The following NR3C2 variants were observed in gnomAD, a reference collection of about 807,000 sequenced individuals.
The protein encoded by NR3C2 is nuclear receptor subfamily 3 group C member 2.
A neutral mutation model predicts 86.4 loss-of-function variants in NR3C2; 15 were observed. That is an observed-to-expected ratio of 0.17 (90% CI 0.12 to 0.27). The LOEUF (loss-of-function observed/expected upper bound fraction) is 0.27, where lower values mean the gene tolerates loss of function less well. Ranked by LOEUF, NR3C2 falls within the 10% of genes least tolerant of loss-of-function variation. The probability of loss-of-function intolerance (pLI) is 1.00; values close to 1 mark genes in which losing one functional copy is unlikely to be tolerated. For missense variants in NR3C2, 960 were observed against 1,195.6 expected, an observed-to-expected ratio of 0.80 and a Z score of 2.91; for synonymous variants, 458 against 450.5, an observed-to-expected ratio of 1.02 and a Z score of -0.21.
At chr4:148,106,858 C>G (rs916705732) in intron 8 of NR3C2, among the ~76,000 whole-genome samples, 1 of 152,102 alleles carries the variant, frequency 6.6e-6, no homozygotes, top group East Asian at 1.9e-4. Context: ...CAAAAATCAA[C>G]TCAAGATGGA....
chr4:148,081,931 A>G (rs1342563286), intron 8 of NR3C2, among the ~76,000 whole-genome samples: 1 of 152,170 alleles, frequency 6.6e-6, no homozygotes, highest in Admixed American at 6.5e-5. Context: ...AGCACCACAG[A>G]TGCCCAGGAG....
At chr4:148,223,066 A>G (rs1579033844) in intron 3 of NR3C2, among the ~76,000 whole-genome samples, 3 of 152,334 alleles carry the variant, frequency 2.0e-5, no homozygotes, top group Non-Finnish European at 4.4e-5. Flanking sequence ...TAATTCTTAG[A>G]AATAATATTT....
At chr4:148,444,724 C>A, upstream of NR3C2, 3 of 985,210 alleles carry the variant, frequency 3.0e-6, no homozygotes, top group Non-Finnish European at 3.6e-6. Context: ...CAAGAGGCGG[C>A]GAGGCAGCGG....
intron 8 of NR3C2, among the ~76,000 whole-genome samples, chr4:148,084,616 C>CA (rs1730727605): frequency 6.6e-6 from 1 of 152,112 alleles, no homozygotes; most frequent in African/African-American, 2.4e-5. Flanking sequence ...AACTAATGGG[C>CA]AAAACAACCA....
chr4:148,197,040 A>C (rs1484479865), intron 3 of NR3C2, among the ~76,000 whole-genome samples: 1 of 152,220 alleles, frequency 6.6e-6, no homozygotes, highest in Non-Finnish European at 1.5e-5. Context: ...AGAAACTCAT[A>C]CTAGAATTGA....
At chr4:148,094,571 C>T (rs559126238) in intron 8 of NR3C2, among the ~76,000 whole-genome samples, 8 of 151,938 alleles carry the variant, frequency 5.3e-5, no homozygotes, top group Non-Finnish European at 1.0e-4. Context: ...AAAAATTAGC[C>T]GGGTGTGGTG....
At chr4:148,276,972 C>T (rs562788692) in intron 2 of NR3C2, among the ~76,000 whole-genome samples, 9 of 152,300 alleles carry the variant, frequency 5.9e-5, no homozygotes, top group African/African-American at 2.2e-4. Context: ...CAAGCAAACT[C>T]TGAACACAAT....
chr4:148,114,391 T>A, intron 7 of NR3C2, 130 bp from the exon 8 acceptor site: 1 of 983,610 alleles, frequency 1.0e-6, no homozygotes, highest in East Asian at 2.6e-5. Flanking sequence ...TGAATAAATA[T>A]GGCAGCTGTC....
At chr4:148,178,377 T>G (rs1018515080) in intron 4 of NR3C2, among the ~76,000 whole-genome samples, 7 of 151,828 alleles carry the variant, frequency 4.6e-5, no homozygotes, top group Non-Finnish European at 1.0e-4. Context: ...GAAGCTAATA[T>G]TTCGCTTTGA....
chr4:148,435,689 T>G lies in NR3C2; in HGVS notation c.1172A>C (p.Gln391Pro). 1 of 1,614,206 alleles carries G rather than the reference T, an allele frequency of 6.2e-7. No homozygotes were observed. Among genetic ancestry groups the G allele is most frequent in the Non-Finnish European group, 8.5e-7 (1 of 1,180,038 alleles). The change falls in exon 2 of 9, where the codon CAG becomes CCG. Residue 391 changes from glutamine (Q) to proline (P), a missense_variant. This residue lies in a region of NR3C2 where 680 missense variants were observed against 719.0 expected (regional missense o/e 0.95). Coordinates refer to ENST00000358102, the MANE Select transcript of NR3C2 (RefSeq NM_000901.5). ...TTTTATGTACTGGACAATATTAAGC[T>G]GGCCAGTCACACCATTTGAGATGGC... is the stretch of plus-strand genomic sequence containing the variant. ...ESAISNGVTG[Q>P]LNIVQYIKPE...
At chr4:148,191,401 C>T (rs1249364042) in intron 4 of NR3C2, among the ~76,000 whole-genome samples, 1 of 152,170 alleles carries the variant, frequency 6.6e-6, no homozygotes, top group Non-Finnish European at 1.5e-5. Flanking sequence ...GCTTCTGTCT[C>T]ACAGCTCTTA....
intron 4 of NR3C2, among the ~76,000 whole-genome samples, chr4:148,159,499 A>G (rs192714950): frequency 5.9e-5 from 9 of 152,328 alleles, no homozygotes; most frequent in Admixed American, 1.3e-4. Flanking sequence ...CAGCATTCCA[A>G]TGCTCACCAT....
chr4:148,388,927 T>C (rs1179193827), intron 2 of NR3C2, among the ~76,000 whole-genome samples: 2 of 152,174 alleles, frequency 1.3e-5, no homozygotes, highest in Non-Finnish European at 2.9e-5. Flanking sequence ...AATGCTCTCA[T>C]ACACTTTGCC....
intron 3 of NR3C2, among the ~76,000 whole-genome samples, chr4:148,226,456 T>C (rs1456239543): frequency 6.6e-6 from 1 of 152,198 alleles, no homozygotes; most frequent in East Asian, 1.9e-4. Flanking sequence ...CATTGCTGAA[T>C]AGTATTCCAT....
intron 2 of NR3C2, among the ~76,000 whole-genome samples, chr4:148,286,190 T>C (rs748771632): frequency 1.3e-5 from 2 of 152,182 alleles, no homozygotes; most frequent in Non-Finnish European, 2.9e-5. Flanking sequence ...TACAGGAATA[T>C]AATTTTCTGG....
intron 3 of NR3C2, among the ~76,000 whole-genome samples, chr4:148,205,416 C>T (rs751537255): frequency 6.6e-6 from 1 of 152,142 alleles, no homozygotes; most frequent in African/African-American, 2.4e-5. Context: ...CTCTAACCAC[C>T]TAGTTTCCTT....
rs1217054282 is a variant in NR3C2 at position 148,358,638 on chromosome 4, A to C, written c.1757+76466T>G. Among the ~76,000 whole-genome samples the C allele has an allele frequency of 2.7e-5, 4 of 150,842 alleles. No homozygotes were observed. In the East Asian group the frequency reaches 8.0e-4, roughly 30 times the overall value. ...AAGTATAATAACAAATAAAAAATAA[A>C]AAAAAAAATAAAATGCCATATCTCC... On this transcript the variant is annotated intron_variant, in intron 2 of 8. Coordinates refer to ENST00000358102, the MANE Select transcript of NR3C2 (RefSeq NM_000901.5).
At chr4:148,084,745 C>T (rs916331600) in intron 8 of NR3C2, among the ~76,000 whole-genome samples, 6 of 152,130 alleles carry the variant, frequency 3.9e-5, no homozygotes, top group African/African-American at 9.7e-5. Flanking sequence ...CAAAATCCAT[C>T]GGTGTGCTGT....
intron 4 of NR3C2, among the ~76,000 whole-genome samples, chr4:148,164,474 ATTCT>A (rs1734794399): frequency 2.0e-5 from 3 of 152,208 alleles, no homozygotes. Context: ...GTAAATTCTT[ATTCT>A]TTGAGGATAA....
Sources: gnomAD v4.1 joint callset for allele counts (sites outside exome capture counted in the v4.1 genomes callset) on GRCh38, gnomAD v4.1.1 for gene constraint, gnomAD v4.1.1 regional missense constraint, MANE v1.5 for transcripts, NCBI Gene and HGNC (gene_info 2026-07-23, HGNC 2026-07-21) for gene names.